GRID2: variants seen among roughly 807,000 people sequenced by gnomAD.
The protein encoded by GRID2 is glutamate receptor ionotropic, delta-2.
Under a neutral mutation model 114.8 loss-of-function variants are expected in GRID2, and 33 were observed. That is an observed-to-expected ratio of 0.29 (90% CI 0.22 to 0.38). The LOEUF is 0.38. GRID2 is among the 10% of genes least tolerant of loss of function. GRID2 has a pLI of 1.00. For missense variants in GRID2, 1,184 were observed against 1,257.7 expected, an observed-to-expected ratio of 0.94 and a Z score of 0.89; for synonymous variants, 505 against 449.9, an observed-to-expected ratio of 1.12 and a Z score of -1.55.
rs1727638061 is a variant in GRID2, at chr4:92,343,925, A to G, written c.88+39181A>G. Among the ~76,000 whole-genome samples the G allele has an allele frequency of 1.3e-5, 2 of 152,212 alleles. 1 individual carries two copies. The highest frequency in any genetic ancestry group is 1.3e-4 in the Admixed American group (2 of 15,272). On this transcript the variant is annotated intron_variant, in intron 1 of 15. Transcript: ENST00000282020. ...ACAAAAAGTAAGCCAAAGAAATCAT[A>G]AGGAAGAAAAAGTATATTTTATGTT...
At chr4:93,032,122 T>C (rs749602658) in intron 2 of GRID2, among the ~76,000 whole-genome samples, 1 of 152,182 alleles carries the variant, frequency 6.6e-6, no homozygotes, top group Admixed American at 6.5e-5. Flanking sequence ...AATTTCACCA[T>C]AGCTCACAAG....
chr4:93,775,919 G>A (rs546903126), downstream of GRID2, among the ~76,000 whole-genome samples: 57 of 152,202 alleles, frequency 3.7e-4, no homozygotes, highest in African/African-American at 1.1e-3. Flanking sequence ...AGACTTTACC[G>A]AATGGTACTT....
chr4:92,415,710 ATGTGTG>A (rs113594102), intron 1 of GRID2, among the ~76,000 whole-genome samples: 2,127 of 107,486 alleles, frequency 0.02, 41 homozygotes, highest in Non-Finnish European at 0.03. Context: ...ATGCGCATGT[ATGTGTG>A]TGTGTGTGTG....
intron 1 of GRID2, among the ~76,000 whole-genome samples, chr4:92,440,868 C>T (rs567912611): frequency 8.8e-4 from 134 of 152,080 alleles, no homozygotes; most frequent in East Asian, 7.2e-3. Flanking sequence ...CCAGGAACAA[C>T]GGTAATTGTG....
At chr4:92,964,349 C>T (rs1012840986) in intron 2 of GRID2, among the ~76,000 whole-genome samples, 2 of 151,820 alleles carry the variant, frequency 1.3e-5, no homozygotes, top group Admixed American at 1.3e-4. Flanking sequence ...AATGAGAACA[C>T]ATGGACAAGG....
intron 10 of GRID2, among the ~76,000 whole-genome samples, chr4:93,429,441 T>G (rs1005774862): frequency 3.3e-5 from 5 of 152,184 alleles, no homozygotes; most frequent in Non-Finnish European, 7.3e-5. Context: ...GGGGTTTATA[T>G]GAAGAAAAAA....
intron 13 of GRID2, among the ~76,000 whole-genome samples, chr4:93,522,651 G>A (rs112576691): frequency 1.8e-4 from 27 of 152,266 alleles, no homozygotes; most frequent in Admixed American, 1.3e-3. Flanking sequence ...TTGAGGATAT[G>A]AAAAGGGTGG....
At chr4:93,134,078 G>A (rs1180364920) in intron 4 of GRID2, among the ~76,000 whole-genome samples, 1 of 151,992 alleles carries the variant, frequency 6.6e-6, no homozygotes, top group Admixed American at 6.6e-5. Context: ...CACATTCTAA[G>A]ACAGAAATGC....
rs527341139 is a variant in GRID2 at position 92,823,432 on chromosome 4, G to A, written c.244+233146G>A. ...AGGACATTAATAACTTATTGAATCCGTAATAGGTGACATGAGAGAAATCAG... is the reference window on the plus strand; with the variant it reads ...AGGACATTAATAACTTATTGAATCCATAATAGGTGACATGAGAGAAATCAG... On this transcript the variant is annotated intron_variant, in intron 2 of 15. Transcript: ENST00000282020. 4.6e-5 allele frequency among the ~76,000 whole-genome samples: 7 copies of A among 152,150 alleles called. No individual in the cohort carries two copies. In the South Asian group the frequency reaches 1.2e-3, roughly 27 times the overall value.
At position 92,640,246 on chromosome 4, in the gene GRID2, G is replaced by C. The variant is rs532403181; in HGVS notation, c.244+49960G>C. The stretch of plus-strand genomic sequence containing the variant: ...CATGAAAGAAAAGAAAGTGCCACAT[G>C]TGGTATGCCACCTTTATAGAGATTT... On this transcript the variant is annotated intron_variant, in intron 2 of 15. Coordinates refer to ENST00000282020, the MANE Select transcript of GRID2 (RefSeq NM_001510.4). Among the ~76,000 whole-genome samples, 67 of 151,944 alleles carry C rather than the reference G, an allele frequency of 4.4e-4. No individual in the cohort carries two copies. The South Asian group carries it at 0.014, about 31-fold the overall frequency.
At chr4:92,870,086 A>G (rs1578352231) in intron 2 of GRID2, among the ~76,000 whole-genome samples, 1 of 151,588 alleles carries the variant, frequency 6.6e-6, no homozygotes, top group South Asian at 2.1e-4. Flanking sequence ...CTGTATTCCT[A>G]GCTACTTGGA....
intron 2 of GRID2, chr4:92,822,031 T>C (rs1017416140): frequency 2.0e-5 from 4 of 199,158 alleles, no homozygotes; most frequent in African/African-American, 9.5e-5. Context: ...CCAGATTGTC[T>C]ATGTAGCCAG....
At chr4:92,904,838 C>A (rs188790137) in intron 2 of GRID2, among the ~76,000 whole-genome samples, 46 of 152,048 alleles carry the variant, frequency 3.0e-4, no homozygotes, top group Non-Finnish European at 4.6e-4. Flanking sequence ...ATCATATCAA[C>A]AGAGCAATTG....
intron 12 of GRID2, among the ~76,000 whole-genome samples, chr4:93,508,587 C>T (rs1728876987): frequency 1.3e-5 from 2 of 152,062 alleles, no homozygotes; most frequent in Admixed American, 1.3e-4. Context: ...TATTATTATG[C>T]CATGCTAGTT....
downstream of GRID2, among the ~76,000 whole-genome samples, chr4:93,776,875 G>A (rs540421219): frequency 4.2e-4 from 64 of 152,188 alleles, no homozygotes; most frequent in African/African-American, 1.5e-3. Flanking sequence ...TGTCCTCATC[G>A]GCATAATGTA....
intron 1 of GRID2, among the ~76,000 whole-genome samples, chr4:93,780,331 G>T (rs534949934): frequency 2.4e-4 from 36 of 152,292 alleles, no homozygotes; most frequent in African/African-American, 7.5e-4. Flanking sequence ...AGGCTCTGAG[G>T]TGAGAATGTC....
intron 7 of GRID2, among the ~76,000 whole-genome samples, chr4:93,227,762 G>A (rs1410520248): frequency 6.6e-6 from 1 of 152,178 alleles, no homozygotes; most frequent in Non-Finnish European, 1.5e-5. Context: ...CAAAGTCCTA[G>A]AATATGGCCA....
At chr4:92,603,049 GAGGACACAA>G in intron 2 of GRID2, among the ~76,000 whole-genome samples, 1 of 152,106 alleles carries the variant, frequency 6.6e-6, no homozygotes, top group East Asian at 1.9e-4. Flanking sequence ...AGAAATCAGA[GAGGACACAA>G]AGAAATGGAA....
At chr4:92,850,779 A>C (rs905617237) in intron 2 of GRID2, among the ~76,000 whole-genome samples, 2 of 151,940 alleles carry the variant, frequency 1.3e-5, no homozygotes, top group Non-Finnish European at 2.9e-5. Flanking sequence ...CGAGACCCAC[A>C]ATGACCCAAG....
Sources: gnomAD v4.1 joint callset for allele counts (sites outside exome capture counted in the v4.1 genomes callset) on GRCh38, gnomAD v4.1.1 for gene constraint, MANE v1.5 for transcripts, NCBI Gene and HGNC (gene_info 2026-07-23, HGNC 2026-07-21) for gene names.